Variants in EYS observed in about 807,000 individuals in gnomAD.
The protein encoded by EYS is protein eyes shut homolog.
EYS carries 250 observed loss-of-function variants against 282.1 expected under a neutral mutation model. The ratio of observed to expected loss-of-function variants is 0.89; its 90% CI spans 0.80 to 0.98. EYS has a LOEUF of 0.98. Among genes scored for constraint, EYS ranks in the 50% least tolerant of loss-of-function variants. EYS has a pLI of 0.00. For synonymous variants in EYS, 1,355 were observed against 1,282.9 expected (o/e 1.06, Z -1.20); for missense variants, 4,016 against 3,709.0 (o/e 1.08, Z -2.15).
intron 26 of EYS, among the ~76,000 whole-genome samples, chr6:64,561,720 G>A (rs1289710486): frequency 6.6e-6 from 1 of 151,852 alleles, no homozygotes; most frequent in Non-Finnish European, 1.5e-5. Context: ...TGGATAGTAA[G>A]AATCAATATC....
intron 14 of EYS, among the ~76,000 whole-genome samples, chr6:64,986,229 G>T (rs905982322): frequency 2.0e-5 from 3 of 151,442 alleles, no homozygotes; most frequent in African/African-American, 4.8e-5. Flanking sequence ...ATCAGAAGGT[G>T]CCAGGCTTAT....
intron 14 of EYS, among the ~76,000 whole-genome samples, chr6:64,975,881 A>G (rs932423346): frequency 1.3e-5 from 2 of 151,886 alleles, no homozygotes; most frequent in African/African-American, 2.4e-5. Context: ...TAAATACTGT[A>G]CTAAAAACTG....
At chr6:63,848,101 T>C (rs1375332461) in intron 36 of EYS, among the ~76,000 whole-genome samples, 1 of 152,158 alleles carries the variant, frequency 6.6e-6, no homozygotes, top group African/African-American at 2.4e-5. Context: ...TTGTTCTTAC[T>C]GTTTGAGAAT....
At chr6:64,309,553 A>C (rs1379511031) in intron 29 of EYS, among the ~76,000 whole-genome samples, 2 of 150,512 alleles carry the variant, frequency 1.3e-5, no homozygotes, top group East Asian at 1.9e-4. Flanking sequence ...CTTCCAAATA[A>C]ATTCCCACTT....
At chr6:64,603,704 T>C (rs694015) in intron 24 of EYS, among the ~76,000 whole-genome samples, 3,311 of 152,154 alleles carry the variant, frequency 0.022, 133 homozygotes, top group African/African-American at 0.075. Flanking sequence ...AAACTGGTTC[T>C]GTGGAGGTGA....
chr6:65,121,302 T>G (rs1466373053), intron 12 of EYS, among the ~76,000 whole-genome samples: 1 of 152,132 alleles, frequency 6.6e-6, no homozygotes, highest in Non-Finnish European at 1.5e-5. Context: ...GGGATGAAAC[T>G]TATACAGTTG....
At chr6:63,930,281 C>CA (rs1764847541) in intron 35 of EYS, among the ~76,000 whole-genome samples, 1 of 8,108 alleles carries the variant, frequency 1.2e-4, no homozygotes, top group East Asian at 8.2e-3. Flanking sequence ...AAGAAACCCA[C>CA]CCCCCCCACC....
chr6:64,948,960 A>C (rs1227468056), intron 14 of EYS, among the ~76,000 whole-genome samples: 1 of 151,932 alleles, frequency 6.6e-6, no homozygotes, highest in African/African-American at 2.4e-5. Context: ...ATAGTTGTAA[A>C]TGCATAAACT....
chr6:65,293,979 G>A (rs1249106864), intron 12 of EYS, among the ~76,000 whole-genome samples: 5 of 151,740 alleles, frequency 3.3e-5, no homozygotes, highest in Non-Finnish European at 5.9e-5. Context: ...GAGACGGAGG[G>A]AGAGAAAGCA....
intron 32 of EYS, among the ~76,000 whole-genome samples, chr6:64,078,241 A>C (rs1220972993): frequency 6.6e-6 from 1 of 152,130 alleles, no homozygotes; most frequent in East Asian, 1.9e-4. Context: ...AGGAATTAAA[A>C]AATGGCAAAA....
At chr6:65,595,847 C>T (rs1765385691) in intron 2 of EYS, among the ~76,000 whole-genome samples, 2 of 151,956 alleles carry the variant, frequency 1.3e-5, no homozygotes, top group Non-Finnish European at 2.9e-5. Flanking sequence ...GATTTAAAGA[C>T]TTGTTTTTAA....
intron 29 of EYS, among the ~76,000 whole-genome samples, chr6:64,324,249 C>A (rs1003109495): frequency 6.6e-6 from 1 of 152,152 alleles, no homozygotes; most frequent in East Asian, 1.9e-4. Context: ...TACTAACAAA[C>A]TGAATCCAGT....
chr6:64,865,415 G>T (rs1007983601), intron 19 of EYS, among the ~76,000 whole-genome samples: 1 of 152,056 alleles, frequency 6.6e-6, no homozygotes, highest in Non-Finnish European at 1.5e-5. Flanking sequence ...GTATGTGAAC[G>T]CCATTAGAAA....
At chr6:65,410,605 T>C (rs1158020943) in intron 5 of EYS, among the ~76,000 whole-genome samples, 1 of 151,658 alleles carries the variant, frequency 6.6e-6, no homozygotes, top group Non-Finnish European at 1.5e-5. Context: ...TAGCTTTTTT[T>C]TTTTTTTTTT....
At chr6:64,825,996 C>A (rs1765046350) in intron 19 of EYS, among the ~76,000 whole-genome samples, 1 of 151,734 alleles carries the variant, frequency 6.6e-6, no homozygotes, top group African/African-American at 2.4e-5. Context: ...TTTGACATAG[C>A]ACATCTAAAA....
chr6:64,967,613 C>T (rs914624341), intron 14 of EYS, among the ~76,000 whole-genome samples: 5 of 152,096 alleles, frequency 3.3e-5, no homozygotes, highest in Non-Finnish European at 5.9e-5. Flanking sequence ...CCACAGTGCC[C>T]GGCCTCCATT....
At chr6:65,110,226 C>T (rs143697885) in intron 12 of EYS, among the ~76,000 whole-genome samples, 238 of 152,112 alleles carry the variant, frequency 1.6e-3, no homozygotes, top group African/African-American at 4.9e-3. Flanking sequence ...CTTTTCATTC[C>T]GTTTACATTG....
intron 28 of EYS, among the ~76,000 whole-genome samples, chr6:64,407,814 C>A (rs565917376): frequency 7.9e-5 from 12 of 152,072 alleles, no homozygotes; most frequent in Non-Finnish European, 1.6e-4. Flanking sequence ...TCACTGCAAC[C>A]TCCGCCTCCT....
chr6:65,695,252 T>C (rs1562333522), intron 1 of EYS, among the ~76,000 whole-genome samples: 1 of 152,030 alleles, frequency 6.6e-6, no homozygotes, highest in Non-Finnish European at 1.5e-5. Context: ...AAAAGTTAAA[T>C]ATAGATTGCA....
Sources: gnomAD v4.1 joint callset for allele counts (sites outside exome capture counted in the v4.1 genomes callset) on GRCh38, gnomAD v4.1.1 for gene constraint, MANE v1.5 for transcripts, NCBI Gene and HGNC (gene_info 2026-07-23, HGNC 2026-07-21) for gene names.